The following TMEM131 variants were observed in gnomAD, a reference collection of about 807,000 sequenced individuals.
The protein encoded by TMEM131 is transmembrane protein 131.
A neutral mutation model predicts 211.6 loss-of-function variants in TMEM131; 66 were observed. The ratio of observed to expected loss-of-function variants is 0.31; its 90% CI spans 0.26 to 0.38. TMEM131 has a LOEUF of 0.38. Ranked by LOEUF, TMEM131 falls within the 10% of genes least tolerant of loss-of-function variation. The pLI is 1.00. For synonymous variants in TMEM131, 844 were observed against 841.3 expected (o/e 1.00, Z -0.06); for missense variants, 2,036 against 2,299.3 (o/e 0.89, Z 2.34).
chr2:97,927,147 ATTTCT>A (rs1408949034), intron 2 of TMEM131, among the ~76,000 whole-genome samples: 1 of 152,264 alleles, frequency 6.6e-6, no homozygotes, highest in East Asian at 1.9e-4. Flanking sequence ...TCTCTATTAC[ATTTCT>A]CAACACCTCT....
chr2:97,811,124 T>C lies in TMEM131; in HGVS notation c.1968+4A>G. 6.2e-7 allele frequency: 1 copy of C among 1,609,064 alleles called. No homozygotes were observed. The highest frequency in any genetic ancestry group is 1.1e-5 in the South Asian group (1 of 90,976). On this transcript the variant is annotated splice_donor_region_variant and intron_variant, in intron 18 of 40. Coordinates refer to ENST00000186436, the MANE Select transcript of TMEM131 (RefSeq NM_015348.2). ...ACTGCCATGAATCCCCATAAAGTCC[T>C]TACCTCATAGTCTGTTGTGATCTGG... is the stretch of plus-strand genomic sequence containing the variant.
intron 25 of TMEM131, among the ~76,000 whole-genome samples, chr2:97,801,538 G>A (rs2104923272): frequency 6.6e-6 from 1 of 152,258 alleles, no homozygotes; most frequent in East Asian, 1.9e-4. Flanking sequence ...TATCCAGAAT[G>A]AAAATGTAAA....
chr2:97,838,109 G>C (rs1838797), intron 7 of TMEM131, among the ~76,000 whole-genome samples: 50,577 of 151,968 alleles, frequency 0.33, 9,278 homozygotes, highest in Non-Finnish European at 0.39. Context: ...CACATTAATG[G>C]GACATTTGAG....
chr2:97,864,911 T>C (rs1247032827), intron 4 of TMEM131, among the ~76,000 whole-genome samples: 1 of 152,332 alleles, frequency 6.6e-6, no homozygotes, highest in South Asian at 2.1e-4. Flanking sequence ...AAGGAGTTGA[T>C]GAGCAGCTGC....
intron 8 of TMEM131, among the ~76,000 whole-genome samples, chr2:97,836,356 G>T (rs28688392): frequency 6.6e-6 from 1 of 152,140 alleles, no homozygotes; most frequent in African/African-American, 2.4e-5. Flanking sequence ...CCTTACTCCT[G>T]GTTGTAAAAT....
At chr2:97,846,183 C>T (rs189053431) in intron 5 of TMEM131, among the ~76,000 whole-genome samples, 36 of 152,230 alleles carry the variant, frequency 2.4e-4, no homozygotes, top group East Asian at 1.7e-3. Flanking sequence ...ATAAACTTTC[C>T]GACATACAGG....
chr2:97,818,582 C>T (rs752733965), intron 12 of TMEM131, 31 bp downstream of exon 12: 6 of 1,377,372 alleles, frequency 4.4e-6, no homozygotes, highest in South Asian at 2.4e-5. Context: ...AATAACATCA[C>T]TCTATCAGAG....
At chr2:97,941,947 C>T (rs1466339385) in intron 1 of TMEM131, among the ~76,000 whole-genome samples, 1 of 152,102 alleles carries the variant, frequency 6.6e-6, no homozygotes, top group Non-Finnish European at 1.5e-5. Context: ...ACTAGAAATA[C>T]CATTTGACCC....
intron 8 of TMEM131, among the ~76,000 whole-genome samples, chr2:97,836,325 A>G (rs922074829): frequency 6.6e-6 from 1 of 152,214 alleles, no homozygotes; most frequent in Non-Finnish European, 1.5e-5. Context: ...AGCAGTTAAT[A>G]AAGAAACTCT....
At chr2:97,775,495 C>A (rs202078350) in intron 32 of TMEM131, among the ~76,000 whole-genome samples, 1 of 152,150 alleles carries the variant, frequency 6.6e-6, no homozygotes, top group East Asian at 1.9e-4. Context: ...TTCTTTTGAT[C>A]CTTAAAATCT....
intron 36 of TMEM131, 153 bp downstream of exon 36, chr2:97,761,882 G>C: frequency 1.2e-6 from 1 of 812,424 alleles, no homozygotes; most frequent in South Asian, 2.1e-5. Context: ...AGCGGGGGTG[G>C]ACCCCAGGTA....
chr2:97,781,919 C>T (rs537589371), intron 31 of TMEM131, among the ~76,000 whole-genome samples: 34 of 152,316 alleles, frequency 2.2e-4, no homozygotes, highest in African/African-American at 7.9e-4. Context: ...GCCAACACCA[C>T]GGTAAGAACT....
At chr2:97,946,774 C>CA (rs1162655737) in intron 1 of TMEM131, among the ~76,000 whole-genome samples, 1 of 151,588 alleles carries the variant, frequency 6.6e-6, no homozygotes, top group Non-Finnish European at 1.5e-5. Context: ...GGTATTAAAA[C>CA]AAAAAAACTA....
At chr2:97,858,255 C>T (rs917062150) in intron 5 of TMEM131, among the ~76,000 whole-genome samples, 1 of 152,118 alleles carries the variant, frequency 6.6e-6, no homozygotes. Flanking sequence ...AGATGAAATT[C>T]GGTCCTATTC....
At chr2:97,767,946 C>T (rs1438815299) in intron 33 of TMEM131, among the ~76,000 whole-genome samples, 1 of 152,164 alleles carries the variant, frequency 6.6e-6, no homozygotes, top group Non-Finnish European at 1.5e-5. Context: ...CCCGATCTAA[C>T]GGCACCATAA....
intron 3 of TMEM131, among the ~76,000 whole-genome samples, chr2:97,890,174 C>T (rs911575036): frequency 3.3e-5 from 5 of 152,180 alleles, no homozygotes; most frequent in South Asian, 2.1e-4. Context: ...GTGTAACAAA[C>T]TACAGTGTTT....
Position 97,802,478 on chromosome 2 carries a change from A to G in TMEM131, c.2601T>C (p.Pro867=), listed in dbSNP as rs1173758126. 1 of 1,612,592 alleles carries G rather than the reference A, an allele frequency of 6.2e-7. No individual in the cohort carries two copies. The highest frequency in any genetic ancestry group is 2.2e-5 in the East Asian group (1 of 44,796). ...CTGAAGGGTTGGAATATAAAGCCAG[A>G]GGAATAAACTGAACATAGACAGGAA... ...ADVPVYVQFI[P]LALYSNPSVF... is the part of the protein sequence containing the mutation. Residue 867 remains proline (P), a synonymous_variant, in exon 24 of 41, where the codon CCT becomes CCC. Coordinates refer to ENST00000186436, the MANE Select transcript of TMEM131 (RefSeq NM_015348.2).
At chr2:97,873,236 G>A (rs1674563962) in intron 4 of TMEM131, among the ~76,000 whole-genome samples, 1 of 152,250 alleles carries the variant, frequency 6.6e-6, no homozygotes, top group Non-Finnish European at 1.5e-5. Context: ...TGAAAAAAAG[G>A]CAGCAGCCCC....
intron 1 of TMEM131, among the ~76,000 whole-genome samples, chr2:97,948,627 A>G (rs1362020436): frequency 1.3e-5 from 2 of 151,974 alleles, no homozygotes; most frequent in African/African-American, 2.4e-5. Context: ...TGGTGCAACC[A>G]CTTTGGATAA....
Sources: allele counts gnomAD v4.1 joint callset (sites outside exome capture counted in the v4.1 genomes callset), GRCh38; gene constraint gnomAD v4.1.1; transcripts MANE v1.5; gene names NCBI Gene and HGNC (gene_info 2026-07-23, HGNC 2026-07-21).